Variants in RASGRP1 observed in about 807,000 individuals in gnomAD.
The protein encoded by RASGRP1 is RAS guanyl releasing protein 1, also known as RAS guanyl-releasing protein 1.
RASGRP1 carries 37 observed loss-of-function variants against 95.1 expected under a neutral mutation model. That is an observed-to-expected ratio of 0.39 (90% confidence interval 0.30 to 0.51). The LOEUF is 0.51. Among genes scored for constraint, RASGRP1 ranks in the 20% least tolerant of loss-of-function variants. The probability of loss-of-function intolerance (pLI) is 0.80; values close to 1 mark genes in which losing one functional copy is unlikely to be tolerated. For synonymous variants in RASGRP1, 325 were observed against 353.4 expected (o/e 0.92, Z 0.90); for missense variants, 711 against 965.4 (o/e 0.74, Z 3.49).
intron 6 of RASGRP1, 85 bp downstream of exon 6, chr15:38,516,112 T>A: frequency 6.8e-7 from 1 of 1,462,478 alleles, no homozygotes; most frequent in Non-Finnish European, 9.4e-7. Flanking sequence ...CCTCTAAGGT[T>A]ATGAAGCGGA....
intron 2 of RASGRP1, among the ~76,000 whole-genome samples, chr15:38,556,599 C>A (rs1303906908): frequency 6.6e-6 from 1 of 152,194 alleles, no homozygotes; most frequent in Non-Finnish European, 1.5e-5. Context: ...GTCCAACTGA[C>A]TTTTTTGCAA....
intron 2 of RASGRP1, among the ~76,000 whole-genome samples, chr15:38,553,105 C>T (rs1048552868): frequency 3.3e-5 from 5 of 152,174 alleles, no homozygotes; most frequent in Admixed American, 2.0e-4. Context: ...AGGTGGCATG[C>T]CCAGGAAGCT....
At chr15:38,535,656 C>G (rs1393161767) in intron 2 of RASGRP1, among the ~76,000 whole-genome samples, 1 of 152,208 alleles carries the variant, frequency 6.6e-6, no homozygotes, top group African/African-American at 2.4e-5. Context: ...AACAGAAACG[C>G]TCCTCCCTGG....
At chr15:38,534,305 G>C (rs937201772) in intron 2 of RASGRP1, 6 of 151,726 alleles carry the variant, frequency 4.0e-5, no homozygotes, top group African/African-American at 1.5e-4. Context: ...TGAGAATTTG[G>C]GAGAAGGGAA....
At chr15:38,539,304 C>T (rs888621740) in intron 2 of RASGRP1, among the ~76,000 whole-genome samples, 4 of 152,192 alleles carry the variant, frequency 2.6e-5, no homozygotes, top group African/African-American at 9.7e-5. Context: ...ATATACTGAA[C>T]CATCCACCAT....
intron 14 of RASGRP1, 129 bp from the exon 15 acceptor site, chr15:38,499,075 T>G: frequency 8.1e-7 from 1 of 1,234,806 alleles, no homozygotes; most frequent in Non-Finnish European, 1.2e-6. Context: ...CTAAGACACT[T>G]AACATTCCTA....
intron 15 of RASGRP1, among the ~76,000 whole-genome samples, chr15:38,497,947 C>T (rs1386926518): frequency 6.6e-6 from 1 of 152,154 alleles, no homozygotes; most frequent in African/African-American, 2.4e-5. Context: ...TACATTTAGC[C>T]TTCTGTTTCT....
Position 38,490,524 on chromosome 15 carries a change from A to G in RASGRP1, c.*30T>C, listed in dbSNP as rs753696154. On this transcript the variant is annotated 3_prime_UTR_variant, in exon 17 of 17. Transcript: ENST00000310803. Reference sequence around the variant, plus strand: ...TTTAGGAAATGAGATCACTATACTCATCTACAGATTGTGCTACTTAGTTTC... The same window carrying G: ...TTTAGGAAATGAGATCACTATACTCGTCTACAGATTGTGCTACTTAGTTTC... 1.2e-6 allele frequency: 2 copies of G among 1,605,964 alleles called. No individual in the cohort carries two copies. The highest frequency in any genetic ancestry group is 1.7e-6 in the Non-Finnish European group (2 of 1,175,994).
intron 3 of RASGRP1, among the ~76,000 whole-genome samples, chr15:38,522,940 C>G (rs545262273): frequency 1.1e-4 from 17 of 152,090 alleles, no homozygotes; most frequent in African/African-American, 3.9e-4. Context: ...ACGGGGTAGG[C>G]GGACCATGTA....
chr15:38,552,426 C>T (rs1893375875), intron 2 of RASGRP1, among the ~76,000 whole-genome samples: 1 of 152,170 alleles, frequency 6.6e-6, no homozygotes, highest in African/African-American at 2.4e-5. Flanking sequence ...AAATGTTTAA[C>T]AATGGGCTCT....
At chr15:38,491,982 A>G (rs1414773691) in intron 16 of RASGRP1, among the ~76,000 whole-genome samples, 3 of 152,196 alleles carry the variant, frequency 2.0e-5, no homozygotes, top group Non-Finnish European at 4.4e-5. Flanking sequence ...CCAGCCCTGT[A>G]TTTCACAAGG....
chr15:38,522,791 T>A (rs778660588), intron 3 of RASGRP1, among the ~76,000 whole-genome samples: 2 of 152,098 alleles, frequency 1.3e-5, no homozygotes, highest in African/African-American at 2.4e-5. Context: ...CAGGAAAAAC[T>A]CGCTGGGAAC....
At position 38,494,521 on chromosome 15, in the gene RASGRP1, G is replaced by C. The variant is rs1163029524; in HGVS notation, c.2120C>G (p.Pro707Arg). The change falls in exon 16 of 17, where the codon CCC (proline) becomes CGC (arginine). Residue 707 changes from proline to arginine, a missense_variant. Physicochemically the swap from Pro to Arg is moderately radical, Grantham distance 103. This residue lies in a region of RASGRP1 where 212 missense variants were observed against 247.8 expected (regional missense o/e 0.86). Transcript: ENST00000310803. ...KTAQDTLYVL[P>R]SPTSPCPSPV... ...GCTAGGACATGGAGAGGTGGGACTG[G>C]GAAGCACATATAGAGTATCCTGGGC... 1.3e-6 allele frequency: 2 copies of C among 1,599,242 alleles called. No homozygotes were observed. The highest frequency in any genetic ancestry group is 2.7e-5 in the African/African-American group (2 of 74,646).
intron 2 of RASGRP1, among the ~76,000 whole-genome samples, chr15:38,528,468 C>A (rs1415869381): frequency 2.0e-5 from 3 of 152,116 alleles, no homozygotes; most frequent in African/African-American, 7.2e-5. Flanking sequence ...TGATCCTTAT[C>A]TTACTTTATG....
intron 2 of RASGRP1, among the ~76,000 whole-genome samples, chr15:38,545,993 C>T (rs897292815): frequency 2.6e-5 from 4 of 152,066 alleles, no homozygotes; most frequent in East Asian, 1.9e-4. Context: ...CATAGCTGTT[C>T]GTGTCTATTA....
intron 2 of RASGRP1, among the ~76,000 whole-genome samples, chr15:38,538,262 T>C (rs970574473): frequency 6.6e-6 from 1 of 152,108 alleles, no homozygotes; most frequent in Non-Finnish European, 1.5e-5. Context: ...AGACTCTGTC[T>C]CCATAAACAA....
chr15:38,491,007 A>G (rs990213091), intron 16 of RASGRP1, among the ~76,000 whole-genome samples: 2 of 152,208 alleles, frequency 1.3e-5, no homozygotes, highest in African/African-American at 4.8e-5. Context: ...ACTTGGCAGA[A>G]ACAGTCTCTG....
At chr15:38,526,545 TCTGTTTTTCTCATCCTC>T (rs1892227588) in intron 2 of RASGRP1, 141 bp from the exon 3 acceptor site, 1 of 600,780 alleles carries the variant, frequency 1.7e-6, no homozygotes, top group Non-Finnish European at 2.9e-6. Flanking sequence ...ACAGCCCCCC[TCTGTTTTTCTCATCCTC>T]CTGCTACATT....
chr15:38,542,413 C>T (rs1892903926), intron 2 of RASGRP1, among the ~76,000 whole-genome samples: 1 of 151,980 alleles, frequency 6.6e-6, no homozygotes, highest in African/African-American at 2.4e-5. Flanking sequence ...ATACCTACTC[C>T]ATCAAGAGAT....
Sources: allele counts gnomAD v4.1 joint callset (sites outside exome capture counted in the v4.1 genomes callset), GRCh38; gene constraint gnomAD v4.1.1; regional missense constraint gnomAD v4.1.1; transcripts MANE v1.5; gene names NCBI Gene and HGNC (gene_info 2026-07-23, HGNC 2026-07-21).